The following SLC6A13 variants were observed in gnomAD, a reference collection of about 807,000 sequenced individuals.
SLC6A13 encodes solute carrier family 6 member 13.
Under a neutral mutation model 72.9 loss-of-function variants are expected in SLC6A13, and 69 were observed. That is an observed-to-expected ratio of 0.95 (90% confidence interval 0.78 to 1.16). SLC6A13 has a LOEUF of 1.16. Among genes scored for constraint, SLC6A13 ranks in the 50% most tolerant of loss-of-function variants. SLC6A13 has a pLI of 0.00. For synonymous variants in SLC6A13, 303 were observed against 303.0 expected (o/e 1.00, Z 0.00); for missense variants, 735 against 760.5 (o/e 0.97, Z 0.39).
Position 252,939 on chromosome 12 carries a change from T to TGA in SLC6A13, c.202+6910_202+6911dup, listed in dbSNP as rs572453487. On this transcript the variant is annotated intron_variant, in intron 2 of 14. Transcript: ENST00000343164. ...GGAGGGGCTACAGGCCCTAGAAGTG[T>TGA]GAGAGGGGTCGGGGTGGGAGGGAGC... 3.7e-3 allele frequency among the ~76,000 whole-genome samples: 546 copies of TGA among 147,218 alleles called. 7 individuals carry two copies. The highest frequency in any genetic ancestry group is 0.031 in the Middle Eastern group (9 of 288).
intron 11 of SLC6A13, 190 bp downstream of exon 11, chr12:223,802 C>A (rs1941320097): frequency 8.2e-6 from 5 of 612,530 alleles, no homozygotes; most frequent in South Asian, 7.9e-5. Flanking sequence ...GGTGGGTGGT[C>A]CATGCCCAAA....
At chr12:243,310 C>T (rs989419612) in intron 3 of SLC6A13, among the ~76,000 whole-genome samples, 3 of 152,194 alleles carry the variant, frequency 2.0e-5, no homozygotes, top group East Asian at 1.9e-4. Flanking sequence ...CCACCACGCC[C>T]GGCCAAGATA....
chr12:250,829 CCCCCA>C (rs1171975148), intron 2 of SLC6A13, among the ~76,000 whole-genome samples: 537 of 6,004 alleles, frequency 0.089, 25 homozygotes, highest in East Asian at 0.32. Context: ...CCAAAATAGC[CCCCCA>C]AAAAAAAAAA....
intron 4 of SLC6A13, among the ~76,000 whole-genome samples, chr12:238,705 G>T (rs549848157): frequency 1.3e-5 from 2 of 152,116 alleles, no homozygotes; most frequent in African/African-American, 4.8e-5. Flanking sequence ...CCATGAAGAC[G>T]GTGGATCTTC....
chr12:241,974 G>A (rs899811248), intron 4 of SLC6A13, among the ~76,000 whole-genome samples: 8 of 152,112 alleles, frequency 5.3e-5, no homozygotes, highest in African/African-American at 1.2e-4. Flanking sequence ...ACTTACCATC[G>A]TGCTGCAAGT....
At chr12:223,961 C>T (rs1396021109) in intron 11 of SLC6A13, 31 bp downstream of exon 11, 3 of 1,612,048 alleles carry the variant, frequency 1.9e-6, no homozygotes, top group East Asian at 4.5e-5. Flanking sequence ...GCTCCTCCTC[C>T]CCAGCCTTCC....
intron 11 of SLC6A13, among the ~76,000 whole-genome samples, chr12:223,535 G>A (rs34213228): frequency 1.3e-5 from 2 of 152,046 alleles, no homozygotes; most frequent in Non-Finnish European, 2.9e-5. Context: ...GTACTCTTTG[G>A]GGAAAGGATC....
At chr12:256,885 C>T (rs7960704) in intron 2 of SLC6A13, among the ~76,000 whole-genome samples, 4,140 of 152,182 alleles carry the variant, frequency 0.027, 122 homozygotes, top group African/African-American at 0.082. Flanking sequence ...AGTATCCCAG[C>T]GTCCTTGCTC....
chr12:221,985 G>A (rs927560730), intron 13 of SLC6A13, among the ~76,000 whole-genome samples: 2 of 152,334 alleles, frequency 1.3e-5, no homozygotes, highest in East Asian at 1.9e-4. Flanking sequence ...GAAGCTGCGC[G>A]TTGTGGTTTC....
intron 7 of SLC6A13, among the ~76,000 whole-genome samples, chr12:231,226 C>T (rs79145070): frequency 8.6e-4 from 131 of 152,282 alleles, no homozygotes; most frequent in African/African-American, 2.8e-3. Context: ...CTGGGGATAC[C>T]GGGAAAGGCA....
chr12:230,925 T>C (rs1941683131), intron 7 of SLC6A13, among the ~76,000 whole-genome samples: 1 of 152,248 alleles, frequency 6.6e-6, no homozygotes, highest in African/African-American at 2.4e-5. Flanking sequence ...GATAATGAGG[T>C]GGCATAGATT....
chr12:221,689 T>G, intron 13 of SLC6A13, 143 bp from the exon 14 acceptor site: 1 of 595,796 alleles, frequency 1.7e-6, no homozygotes, highest in East Asian at 2.9e-5. Flanking sequence ...CCTCCAATCT[T>G]CTCCATCCAC....
In SLC6A13 at chr12:221,481, C is replaced by A; in HGVS notation, c.1581G>T (p.Pro527=). The A allele has an allele frequency of 6.2e-7, 1 of 1,613,494 alleles. No individual in the cohort carries two copies. The highest frequency in any genetic ancestry group is 8.5e-7 in the Non-Finnish European group (1 of 1,179,780). ...GCCAGCCCAGGGCATCGCCCCACCA[C>A]GGGTACGTGTACTTCTTGTTGTAGG... ...PLTYNKKYTY[P]WWGDALGWLL... is the part of the protein sequence containing the mutation. Residue 527 remains proline, a synonymous_variant, in exon 14 of 15, where the codon CCG becomes CCT. Transcript: ENST00000343164.
chr12:229,982 G>A (rs1941639520), intron 7 of SLC6A13, among the ~76,000 whole-genome samples: 1 of 152,136 alleles, frequency 6.6e-6, no homozygotes, highest in Admixed American at 6.5e-5. Context: ...AGAACCCAGA[G>A]CGCAAGGGTC....
chr12:257,085 C>T (rs1005277294), intron 2 of SLC6A13, among the ~76,000 whole-genome samples: 27 of 151,874 alleles, frequency 1.8e-4, no homozygotes, highest in African/African-American at 5.8e-4. Context: ...GGCAAAGAGA[C>T]AGGAGAATGA....
At position 221,206 on chromosome 12, in the gene SLC6A13, C is replaced by G. The variant is rs1202092732; in HGVS notation, c.1687-136G>C. 6.7e-6 allele frequency: 9 copies of G among 1,344,296 alleles called. No homozygotes were observed. The African/African-American group carries it at 8.8e-5, about 13-fold the overall frequency. 83.3% of individuals were successfully genotyped at this position (1,344,296 alleles called of 1,614,324 possible). A position where few individuals can be genotyped will look rare whatever the true frequency, so the allele number is the denominator to read the frequency against. ...ATCACAGCCCCTGTCTGGGAGTCCC[C>G]CTGTGTCTTCCCGAGACTTCTCAGC... On this transcript the variant is annotated intron_variant, in intron 14 of 14. Coordinates refer to ENST00000343164, the MANE Select transcript of SLC6A13 (RefSeq NM_016615.5).
At chr12:225,125 G>A (rs1018065302) in intron 9 of SLC6A13, among the ~76,000 whole-genome samples, 4 of 152,210 alleles carry the variant, frequency 2.6e-5, no homozygotes, top group Non-Finnish European at 4.4e-5. Context: ...TGTTTCTCTC[G>A]ACTGACTCAT....
intron 2 of SLC6A13, among the ~76,000 whole-genome samples, chr12:249,674 T>C (rs1446085021): frequency 6.6e-6 from 1 of 152,012 alleles, no homozygotes; most frequent in Admixed American, 6.6e-5. Context: ...CCTCCAAATA[T>C]TTAAGGAAGA....
In SLC6A13 at chr12:223,194, G is replaced by C; in HGVS notation, c.1352C>G (p.Ala451Gly). 1 of 1,613,850 alleles carries C rather than the reference G, an allele frequency of 6.2e-7. No homozygotes were observed. The highest frequency in any genetic ancestry group is 8.5e-7 in the Non-Finnish European group (1 of 1,179,762). ...YVFQLFDYYAASGMCLLFVAI... is the reference protein window; with the variant it reads ...YVFQLFDYYAGSGMCLLFVAI... Reference sequence around the variant, plus strand: ...CACGAACAGGAGGCACATGCCACTGGCCGCATAGTAGTCAAAGAGCTGGAA... The same window carrying C: ...CACGAACAGGAGGCACATGCCACTGCCCGCATAGTAGTCAAAGAGCTGGAA... The change falls in exon 12 of 15, where the codon GCC (alanine) becomes GGC (glycine). Residue 451 changes from alanine to glycine, a missense_variant. By Grantham distance (60) the Ala-to-Gly change is moderately conservative. Transcript: ENST00000343164.
Sources: allele counts gnomAD v4.1 joint callset (sites outside exome capture counted in the v4.1 genomes callset), GRCh38; gene constraint gnomAD v4.1.1; transcripts MANE v1.5; gene names NCBI Gene and HGNC (gene_info 2026-07-23, HGNC 2026-07-21).